The following EVC2 variants were observed in gnomAD, a reference collection of about 807,000 sequenced individuals.
EVC2 encodes limbin.
A neutral mutation model predicts 149.3 loss-of-function variants in EVC2; 148 were observed. The observed-to-expected ratio is 0.99, with a 90% CI of 0.87 to 1.14. The LOEUF is 1.14. Ranked by LOEUF, EVC2 falls within the 50% of genes most tolerant of loss-of-function variation. The pLI is 0.00. For missense variants in EVC2, 1,854 were observed against 1,627.3 expected, an observed-to-expected ratio of 1.14 and a Z score of -2.40; for synonymous variants, 776 against 649.9, an observed-to-expected ratio of 1.19 and a Z score of -2.95.
downstream of EVC2, among the ~76,000 whole-genome samples, chr4:5,561,919 C>T (rs1721974807): frequency 6.6e-6 from 1 of 152,080 alleles, no homozygotes. Flanking sequence ...CCTAATCATC[C>T]CCTACTGTCA....
At chr4:5,594,435 C>T (rs957754129) in intron 16 of EVC2, among the ~76,000 whole-genome samples, 1 of 152,196 alleles carries the variant, frequency 6.6e-6, no homozygotes, top group Non-Finnish European at 1.5e-5. Flanking sequence ...TGTTCTGCAG[C>T]CACCGCTGCT....
At chr4:5,557,839 T>A (rs1455095871), downstream of EVC2, among the ~76,000 whole-genome samples, 16 of 152,216 alleles carry the variant, frequency 1.1e-4, no homozygotes. Flanking sequence ...ATAATTTAGG[T>A]TTAAATCTAA....
intron 16 of EVC2, among the ~76,000 whole-genome samples, chr4:5,602,343 A>T (rs2108812332): frequency 6.6e-6 from 1 of 151,348 alleles, no homozygotes; most frequent in Non-Finnish European, 1.5e-5. Context: ...AATTGATGAT[A>T]AATACATAGA....
the EVC2 span, among the ~76,000 whole-genome samples, chr4:5,530,652 C>T: frequency 6.6e-6 from 1 of 152,158 alleles, no homozygotes; most frequent in South Asian, 2.1e-4. Context: ...TCCTACATGA[C>T]TGCAAGTTTG....
intron 7 of EVC2, among the ~76,000 whole-genome samples, chr4:5,669,056 A>G (rs1458222752): frequency 6.6e-6 from 1 of 152,228 alleles, no homozygotes; most frequent in Non-Finnish European, 1.5e-5. Flanking sequence ...TGATGCAGCT[A>G]TAAGCCAAGG....
chr4:5,540,553 G>A (rs1721493361), downstream of EVC2, among the ~76,000 whole-genome samples: 2 of 152,168 alleles, frequency 1.3e-5, no homozygotes, highest in Non-Finnish European at 2.9e-5. Context: ...TTCAGTGAAA[G>A]AAGTCAGAGT....
intron 7 of EVC2, among the ~76,000 whole-genome samples, chr4:5,675,844 C>T (rs570423016): frequency 2.2e-4 from 33 of 152,074 alleles, no homozygotes; most frequent in African/African-American, 7.0e-4. Flanking sequence ...CTCAGGAGGC[C>T]GAGGCAGGAG....
the EVC2 span, among the ~76,000 whole-genome samples, chr4:5,535,500 G>A: frequency 1.3e-5 from 2 of 151,958 alleles, no homozygotes; most frequent in Non-Finnish European, 2.9e-5. This position sits in a 1 kb window ranked among gnomAD's most constrained non-coding sequence, Gnocchi z 4.7. Flanking sequence ...AATTATTACA[G>A]ACTGGGTGGC....
chr4:5,701,480 C>T (rs187276286), intron 1 of EVC2, among the ~76,000 whole-genome samples: 1 of 152,310 alleles, frequency 6.6e-6, no homozygotes, highest in African/African-American at 2.4e-5. Flanking sequence ...CTTCGGGTCA[C>T]ATTCCTGGTT....
intron 3 of EVC2, among the ~76,000 whole-genome samples, chr4:5,692,831 C>T (rs1186255573): frequency 7.6e-6 from 1 of 131,192 alleles, no homozygotes; most frequent in Non-Finnish European, 1.5e-5. Context: ...TGCGCCACTG[C>T]AGTCCGCAGT....
chr4:5,645,006 C>T (rs954372262), intron 9 of EVC2, among the ~76,000 whole-genome samples: 3 of 152,114 alleles, frequency 2.0e-5, no homozygotes, highest in African/African-American at 7.2e-5. Context: ...GATATCTCTT[C>T]GATATATTGA....
At chr4:5,706,299 T>C (rs1164840396) in intron 1 of EVC2, among the ~76,000 whole-genome samples, 1 of 148,480 alleles carries the variant, frequency 6.7e-6, no homozygotes, top group Non-Finnish European at 1.5e-5. Context: ...TAAATATAGA[T>C]AGATACATAG....
intron 16 of EVC2, among the ~76,000 whole-genome samples, chr4:5,597,745 G>A (rs1713575502): frequency 7.4e-6 from 1 of 135,252 alleles, no homozygotes; most frequent in South Asian, 2.7e-4. Context: ...AGGAAATAAA[G>A]GGTATTCAAT....
chr4:5,615,524 C>T lies in EVC2; in HGVS notation c.2727G>A (p.Lys909=). The change falls in exon 16 of 22, where the codon AAG becomes AAA. Residue 909 remains lysine (K), a synonymous_variant. Transcript: ENST00000344408. ...CCTTGCTTTTACTCTTGGACCGTGA[C>T]TTTCTCACCTTGGACTGTTGCTGGA... is the stretch of plus-strand genomic sequence containing the variant. The part of the protein sequence containing the change: ...PELQQQSKVR[K]SRSKSKSKGE... 1 of 1,614,198 alleles carries T rather than the reference C, an allele frequency of 6.2e-7. No individual in the cohort carries two copies. The highest frequency in any genetic ancestry group is 8.5e-7 in the Non-Finnish European group (1 of 1,180,044).
intron 11 of EVC2, among the ~76,000 whole-genome samples, chr4:5,629,610 G>A (rs1221112834): frequency 6.6e-6 from 1 of 152,214 alleles, no homozygotes; most frequent in Non-Finnish European, 1.5e-5. Context: ...AGGGAACATA[G>A]GACAGCATGG....
At chr4:5,537,347 T>G in the EVC2 span, among the ~76,000 whole-genome samples, 1 of 152,298 alleles carries the variant, frequency 6.6e-6, no homozygotes, top group South Asian at 2.1e-4. Context: ...AGAAAATTCC[T>G]TGAGGCCAGG....
chr4:5,632,147 C>G, intron 10 of EVC2, 115 bp from the exon 11 acceptor site: 1 of 1,356,416 alleles, frequency 7.4e-7, no homozygotes, highest in Non-Finnish European at 1.0e-6. Flanking sequence ...CATGAACACA[C>G]AGATGCATGC....
intron 7 of EVC2, among the ~76,000 whole-genome samples, chr4:5,674,136 T>C (rs555752141): frequency 1.8e-4 from 27 of 152,178 alleles, no homozygotes; most frequent in Non-Finnish European, 3.4e-4. Flanking sequence ...TTGCTGGCCC[T>C]TGTCACACAG....
At chr4:5,578,804 G>T (rs1711515315) in intron 17 of EVC2, among the ~76,000 whole-genome samples, 1 of 152,164 alleles carries the variant, frequency 6.6e-6, no homozygotes, top group Admixed American at 6.5e-5. Flanking sequence ...CAGTTGCAGA[G>T]ATGGGAAATG....
Sources: gnomAD v4.1 joint callset for allele counts (sites outside exome capture counted in the v4.1 genomes callset) on GRCh38, gnomAD v4.1.1 for gene constraint, Gnocchi (gnomAD v3.1) non-coding constraint, MANE v1.5 for transcripts, NCBI Gene and HGNC (gene_info 2026-07-23, HGNC 2026-07-21) for gene names.